Variants in ANK3 observed in about 807,000 individuals in gnomAD.
ANK3 encodes ankyrin 3, also known as ankyrin-3.
A neutral mutation model predicts 370.9 loss-of-function variants in ANK3; 57 were observed. The observed-to-expected ratio is 0.15, with a 90% CI of 0.12 to 0.19. ANK3 has a LOEUF of 0.19. ANK3 is among the 10% of genes least tolerant of loss of function. The pLI is 1.00. For synonymous variants in ANK3, 1,929 were observed against 1,946.3 expected (o/e 0.99, Z 0.23); for missense variants, 4,439 against 5,302.1 (o/e 0.84, Z 5.06).
At chr10:60,630,397 TTGCTGC>T in intron 1 of ANK3, among the ~76,000 whole-genome samples, 1 of 152,250 alleles carries the variant, frequency 6.6e-6, no homozygotes, top group East Asian at 1.9e-4. Context: ...TTACCAATTG[TTGCTGC>T]AACAGCAAGG....
At chr10:60,067,893 TGAA>T (rs1486372012) in intron 38 of ANK3, 39 bp downstream of exon 38, 1 of 1,491,466 alleles carries the variant, frequency 6.7e-7, no homozygotes, top group South Asian at 1.3e-5. Flanking sequence ...GACAAAGAAA[TGAA>T]GAAACTAATT....
In ANK3 at chr10:60,681,018, A is replaced by G. The variant is rs183277494; in HGVS notation, c.57+52245T>C. Among the ~76,000 whole-genome samples, 319 of 152,158 alleles carry G rather than the reference A, an allele frequency of 2.1e-3. 2 individuals are homozygous for G. The highest frequency in any genetic ancestry group is 7.4e-3 in the African/African-American group (308 of 41,498). On this transcript the variant is annotated intron_variant, in intron 1 of 43. Coordinates refer to the ANK3 transcript ENST00000373827. ...ATAATATTTTTCCTCTTCACTTGGC[A>G]CTCTCTAACTCAGGGGAAAGTTAAC...
chr10:60,527,377 T>C (rs1257996737), intron 2 of ANK3, among the ~76,000 whole-genome samples: 11 of 152,084 alleles, frequency 7.2e-5, no homozygotes, highest in Admixed American at 6.6e-4. Flanking sequence ...CTTTTGTTTT[T>C]AGTAGTCCAT....
At chr10:60,732,534 C>G (rs1334484512) in intron 1 of ANK3, among the ~76,000 whole-genome samples, 2 of 152,116 alleles carry the variant, frequency 1.3e-5, no homozygotes, top group Non-Finnish European at 1.5e-5. Context: ...TTACAAGGCT[C>G]TCGGAGATCG....
intron 2 of ANK3, among the ~76,000 whole-genome samples, chr10:60,543,077 T>C (rs1044351292): frequency 2.0e-5 from 3 of 151,958 alleles, no homozygotes; most frequent in Admixed American, 6.6e-5. Context: ...TAGAATCTCA[T>C]GAAACTAAGA....
At chr10:60,710,105 G>C (rs1462260484) in intron 1 of ANK3, among the ~76,000 whole-genome samples, 4 of 152,192 alleles carry the variant, frequency 2.6e-5, no homozygotes, top group Non-Finnish European at 5.9e-5. Flanking sequence ...TGTTACTCAA[G>C]GTTTATGGTA....
At chr10:60,533,717 G>A (rs142236801) in intron 2 of ANK3, among the ~76,000 whole-genome samples, 52 of 152,236 alleles carry the variant, frequency 3.4e-4, no homozygotes, top group African/African-American at 1.2e-3. Flanking sequence ...AAAGGTAAAT[G>A]TATAATATAA....
intron 12 of ANK3, among the ~76,000 whole-genome samples, chr10:60,202,549 A>C (rs989756715): frequency 6.6e-6 from 1 of 152,246 alleles, no homozygotes; most frequent in Non-Finnish European, 1.5e-5. Context: ...GAAGTAAAGG[A>C]AACAAATGTA....
intron 2 of ANK3, among the ~76,000 whole-genome samples, chr10:60,611,085 AT>A (rs2078195125): frequency 6.6e-6 from 1 of 152,160 alleles, no homozygotes; most frequent in Non-Finnish European, 1.5e-5. Context: ...TATTCTTAAT[AT>A]TTTATTCTTC....
At chr10:60,461,348 T>C (rs2064878701) in intron 2 of ANK3, among the ~76,000 whole-genome samples, 1 of 152,172 alleles carries the variant, frequency 6.6e-6, no homozygotes, top group African/African-American at 2.4e-5. Flanking sequence ...ACTAATGCAG[T>C]TTAATAAGTA....
Position 60,075,269 on chromosome 10 carries a change from C to A in ANK3, c.5612G>T (p.Arg1871Leu), listed in dbSNP as rs767032551. 2.5e-6 allele frequency: 4 copies of A among 1,614,108 alleles called. No individual in the cohort carries two copies. The South Asian group carries it at 4.4e-5, about 18-fold the overall frequency. The change falls in exon 37 of 44, where the codon CGA (arginine) becomes CTA (leucine). Residue 1871 changes from arginine (R) to leucine (L), a missense_variant. Physicochemically the swap from Arg to Leu is moderately radical, Grantham distance 102 (BLOSUM62 -2). Coordinates refer to ENST00000280772, the MANE Select transcript of ANK3 (RefSeq NM_020987.5). ...TETHPQPHFS[R>L]TSSPVKSSLF... ...AGATGACTTAACTGGAGATGAAGTT[C>A]GACTGAAGTGAGGCTGAGGATGTGT...
At chr10:60,291,805 C>T (rs560586698) in intron 1 of ANK3, among the ~76,000 whole-genome samples, 4 of 152,208 alleles carry the variant, frequency 2.6e-5, no homozygotes, top group African/African-American at 4.8e-5. Flanking sequence ...CTCCACCTCC[C>T]AGGCTCAAGC....
chr10:60,499,044 G>A (rs569790617), intron 2 of ANK3, among the ~76,000 whole-genome samples: 19 of 152,072 alleles, frequency 1.2e-4, no homozygotes, highest in Admixed American at 9.8e-4. Context: ...ACCACTGTTC[G>A]TTTATTTGTT....
intron 2 of ANK3, among the ~76,000 whole-genome samples, chr10:60,495,550 T>G (rs79163113): frequency 0.015 from 2,224 of 152,290 alleles, 57 homozygotes; most frequent in African/African-American, 0.049. Context: ...AGTGCAATGC[T>G]TAATTGCTCA....
intron 8 of ANK3, among the ~76,000 whole-genome samples, chr10:60,225,436 G>C (rs573146845): frequency 6.6e-6 from 1 of 152,102 alleles, no homozygotes; most frequent in African/African-American, 2.4e-5. Context: ...TTCTCCAGGG[G>C]ATTCATATAC....
chr10:60,462,995 C>T (rs1294308509), intron 2 of ANK3, among the ~76,000 whole-genome samples: 1 of 152,102 alleles, frequency 6.6e-6, no homozygotes, highest in African/African-American at 2.4e-5. Flanking sequence ...CCTTGACCTC[C>T]CAGGCTCTGG....
Position 60,375,994 on chromosome 10 carries a change from A to G in ANK3, c.114+13431T>C, listed in dbSNP as rs142782562. On this transcript the variant is annotated intron_variant, in intron 1 of 43. Transcript: ENST00000280772. ...GGGATGGCCACTTCATGTTCAATTT[A>G]ATTTAGCCTTCATAGCGTCTCTTCA... 4.6e-5 allele frequency among the ~76,000 whole-genome samples: 7 copies of G among 152,302 alleles called. No homozygotes were observed. The East Asian group carries it at 1.3e-3, about 29-fold the overall frequency.
In ANK3 at chr10:60,317,163, C is replaced by T. The variant is rs561480619; in HGVS notation, c.115-37524G>A. On this transcript the variant is annotated intron_variant, in intron 1 of 43. Transcript: ENST00000280772. ...ATAGGTTTCAAGTACTTTGTATACTCAGAGTCCTACTCAGATGCCCAGGCT... is the reference window on the plus strand; with the variant it reads ...ATAGGTTTCAAGTACTTTGTATACTTAGAGTCCTACTCAGATGCCCAGGCT... Among the ~76,000 whole-genome samples the T allele has an allele frequency of 1.1e-4, 17 of 151,654 alleles. No individual in the cohort carries two copies. The South Asian group carries it at 3.1e-3, about 28-fold the overall frequency.
At chr10:60,522,638 G>T (rs1415211475) in intron 2 of ANK3, among the ~76,000 whole-genome samples, 1 of 151,946 alleles carries the variant, frequency 6.6e-6, no homozygotes, top group African/African-American at 2.4e-5. Context: ...TTGTCTAGGA[G>T]GTTTCTAATC....
Sources: allele counts gnomAD v4.1 joint callset (sites outside exome capture counted in the v4.1 genomes callset), GRCh38; gene constraint gnomAD v4.1.1; transcripts MANE v1.5; gene names NCBI Gene and HGNC (gene_info 2026-07-23, HGNC 2026-07-21).